The following NRG1 variants were observed in gnomAD, a reference collection of about 807,000 sequenced individuals.
The protein encoded by NRG1 is neuregulin 1.
A neutral mutation model predicts 63.8 loss-of-function variants in NRG1; 18 were observed. The observed-to-expected ratio is 0.28, with a 90% confidence interval of 0.19 to 0.42. NRG1 has a LOEUF of 0.42. Among genes scored for constraint, NRG1 ranks in the 10% least tolerant of loss-of-function variants. The probability of loss-of-function intolerance (pLI) is 1.00; values close to 1 mark genes in which losing one functional copy is unlikely to be tolerated. For synonymous variants in NRG1, 302 were observed against 301.3 expected, an observed-to-expected ratio of 1.00 and a Z score of -0.02; for missense variants, 762 against 814.7, an observed-to-expected ratio of 0.94 and a Z score of 0.79.
In NRG1 at chr8:31,991,279, GACA is replaced by G. The variant is rs762810452; in HGVS notation, c.37+351854_37+351856del. 2.4e-3 allele frequency among the ~76,000 whole-genome samples: 368 copies of G among 151,816 alleles called. 1 individual carries two copies. The highest frequency in any genetic ancestry group is 4.2e-3 in the Non-Finnish European group (282 of 67,900). ...AAAACAGTTTTCTCATCCTGACGAC[GACA>G]ACAACTTCTTCTTCTTCTTCTTCCT... On this transcript the variant is annotated intron_variant, in intron 1 of 10. Coordinates refer to the NRG1 transcript ENST00000519301.
chr8:32,333,983 G>A (rs1335607205), intron 1 of NRG1, among the ~76,000 whole-genome samples: 3 of 152,154 alleles, frequency 2.0e-5, no homozygotes, highest in Non-Finnish European at 2.9e-5. Flanking sequence ...CTAGGTTGAA[G>A]TGCCACTTCT....
At chr8:32,205,212 G>T (rs1449325949) in intron 1 of NRG1, among the ~76,000 whole-genome samples, 3 of 151,984 alleles carry the variant, frequency 2.0e-5, no homozygotes, top group South Asian at 4.1e-4. Flanking sequence ...ATTTGGATGG[G>T]TTTTTTTATA....
intron 1 of NRG1, among the ~76,000 whole-genome samples, chr8:32,589,747 A>C (rs1446148608): frequency 1.3e-5 from 2 of 152,228 alleles, no homozygotes; most frequent in Non-Finnish European, 2.9e-5. Flanking sequence ...ACAATATTCG[A>C]TATAGCTGCA....
At chr8:32,431,986 G>A (rs974571700) in intron 1 of NRG1, among the ~76,000 whole-genome samples, 1 of 152,064 alleles carries the variant, frequency 6.6e-6, no homozygotes, top group African/African-American at 2.4e-5. Context: ...TTATTTATTG[G>A]GTTGAAGTGT....
chr8:31,875,696 G>A (rs1442741741), intron 1 of NRG1, among the ~76,000 whole-genome samples: 1 of 152,160 alleles, frequency 6.6e-6, no homozygotes, highest in Non-Finnish European at 1.5e-5. Flanking sequence ...TTTCTGGATT[G>A]TGATTGTGTG....
At chr8:31,653,576 A>G (rs1242423174) in intron 1 of NRG1, among the ~76,000 whole-genome samples, 1 of 152,212 alleles carries the variant, frequency 6.6e-6, no homozygotes, top group Non-Finnish European at 1.5e-5. Context: ...ATTCCCTGAA[A>G]TGTAGACAAA....
intron 1 of NRG1, among the ~76,000 whole-genome samples, chr8:32,271,064 C>T (rs1159722304): frequency 6.6e-6 from 1 of 152,048 alleles, no homozygotes; most frequent in Non-Finnish European, 1.5e-5. Context: ...GCCCTCTTTT[C>T]CTAGACCTTT....
intron 1 of NRG1, among the ~76,000 whole-genome samples, chr8:32,036,984 T>C (rs771682560): frequency 1.6e-4 from 24 of 152,218 alleles, no homozygotes; most frequent in Non-Finnish European, 3.1e-4. Flanking sequence ...ACTGGAGATA[T>C]GTTATGATCA....
intron 1 of NRG1, among the ~76,000 whole-genome samples, chr8:31,855,860 C>G (rs1423610315): frequency 6.6e-6 from 1 of 151,994 alleles, no homozygotes; most frequent in African/African-American, 2.4e-5. Flanking sequence ...TTTATTTCTC[C>G]TTCACTTATG....
At chr8:32,226,746 G>T (rs1357925130) in intron 1 of NRG1, among the ~76,000 whole-genome samples, 1 of 152,116 alleles carries the variant, frequency 6.6e-6, no homozygotes, top group Non-Finnish European at 1.5e-5. Context: ...GAGAATGGGA[G>T]AAATAATTTT....
At chr8:32,606,543 G>A (rs544020529) in intron 3 of NRG1, among the ~76,000 whole-genome samples, 1 of 152,212 alleles carries the variant, frequency 6.6e-6, no homozygotes, top group African/African-American at 2.4e-5. Flanking sequence ...TTTTGTAATA[G>A]CCTGATACTC....
chr8:32,672,347 A>T (rs1000664309), intron 5 of NRG1, among the ~76,000 whole-genome samples: 14 of 152,114 alleles, frequency 9.2e-5, no homozygotes, highest in African/African-American at 3.4e-4. Context: ...CCTGGCCTTC[A>T]TCTTCTACTT....
At chr8:31,815,916 T>A (rs1823397613) in intron 1 of NRG1, among the ~76,000 whole-genome samples, 1 of 152,206 alleles carries the variant, frequency 6.6e-6, no homozygotes, top group Non-Finnish European at 1.5e-5. Flanking sequence ...TTATTGATGT[T>A]AAGCATCTTT....
chr8:32,314,983 T>C (rs1472528891), intron 1 of NRG1, among the ~76,000 whole-genome samples: 1 of 152,110 alleles, frequency 6.6e-6, no homozygotes. Flanking sequence ...GGATGTCACC[T>C]CCTCCAAGAA....
intron 1 of NRG1, among the ~76,000 whole-genome samples, chr8:32,484,694 G>C (rs1403569314): frequency 6.6e-6 from 1 of 151,912 alleles, no homozygotes; most frequent in Non-Finnish European, 1.5e-5. Flanking sequence ...CTTAGAAAAG[G>C]GGCTTTTTGG....
chr8:31,796,324 C>T (rs191962924), intron 1 of NRG1, among the ~76,000 whole-genome samples: 2 of 149,566 alleles, frequency 1.3e-5, no homozygotes, highest in African/African-American at 4.9e-5. Context: ...ATCACCCTTA[C>T]TCTTCTCTAA....
At chr8:31,747,054 A>G (rs1815950085) in intron 1 of NRG1, among the ~76,000 whole-genome samples, 1 of 151,830 alleles carries the variant, frequency 6.6e-6, no homozygotes, top group Non-Finnish European at 1.5e-5. Flanking sequence ...GGGGTGGTTA[A>G]TAGGTACAAA....
At chr8:31,931,022 T>C (rs574812854) in intron 1 of NRG1, among the ~76,000 whole-genome samples, 1 of 152,300 alleles carries the variant, frequency 6.6e-6, no homozygotes, top group South Asian at 2.1e-4. Flanking sequence ...TTATAAATGC[T>C]CATCAATGTT....
chr8:32,269,078 C>T (rs930091437), intron 1 of NRG1, among the ~76,000 whole-genome samples: 2 of 152,044 alleles, frequency 1.3e-5, no homozygotes, highest in Non-Finnish European at 1.5e-5. Context: ...CTCTTTTCCT[C>T]TCTCCCTCCC....
Sources: gnomAD v4.1 joint callset for allele counts (sites outside exome capture counted in the v4.1 genomes callset) on GRCh38, gnomAD v4.1.1 for gene constraint, MANE v1.5 for transcripts, NCBI Gene and HGNC (gene_info 2026-07-23, HGNC 2026-07-21) for gene names.